The following DOP1B variants were observed in gnomAD, a reference collection of about 807,000 sequenced individuals.
DOP1B encodes DOP1 leucine zipper like protein B, also known as protein DOP1B.
Under a neutral mutation model 233.5 loss-of-function variants are expected in DOP1B, and 174 were observed. That is an observed-to-expected ratio of 0.75 (90% confidence interval 0.66 to 0.85). DOP1B has a LOEUF of 0.85. Among genes scored for constraint, DOP1B ranks in the 40% least tolerant of loss-of-function variants. DOP1B has a pLI of 0.00. For missense variants in DOP1B, 2,652 were observed against 2,846.6 expected, an observed-to-expected ratio of 0.93 and a Z score of 1.56; for synonymous variants, 1,190 against 1,185.6, an observed-to-expected ratio of 1.00 and a Z score of -0.08.
intron 27 of DOP1B, among the ~76,000 whole-genome samples, chr21:36,276,080 AAGAG>A (rs935705877): frequency 3.0e-5 from 4 of 133,722 alleles, no homozygotes; most frequent in African/African-American, 1.1e-4. Flanking sequence ...GGATGGTTAG[AAGAG>A]AAGAAGGCCA....
rs141847036 is a variant in DOP1B at position 36,200,448 on chromosome 21, C to A, written c.438C>A (p.Ala146=). Residue 146 remains alanine (A), a synonymous_variant, in exon 4 of 37, where the codon GCC becomes GCA. Transcript: ENST00000691173. ...LQKLLLPSLQ[A]FIVGLLPGLE... ...AGCTGCTCCTGCCCAGTCTGCAGGC[C>A]TTCATCGTGGGCCTGCTGCCCGGCC... The A allele has an allele frequency of 2.1e-5, 34 of 1,613,142 alleles. No individual in the cohort carries two copies. Among genetic ancestry groups the A allele is most frequent in the Non-Finnish European group, 2.9e-5 (34 of 1,180,022 alleles).
chr21:36,239,687 C>G, intron 17 of DOP1B, 78 bp from the exon 18 acceptor site: 1 of 1,448,118 alleles, frequency 6.9e-7, no homozygotes, highest in Admixed American at 2.4e-5. Flanking sequence ...GGGTGACGCC[C>G]TATGCCCAGT....
At chr21:36,226,298 T>TC (rs2066681841) in intron 12 of DOP1B, among the ~76,000 whole-genome samples, 1 of 125,798 alleles carries the variant, frequency 7.9e-6, no homozygotes, top group South Asian at 2.4e-4. Flanking sequence ...CTCTCTCTCT[T>TC]TTTTTTTTTT....
chr21:36,281,683 A>G, intron 32 of DOP1B, 72 bp downstream of exon 32: 1 of 1,345,258 alleles, frequency 7.4e-7, no homozygotes, highest in Non-Finnish European at 9.9e-7. Flanking sequence ...TTATAAAAAC[A>G]GAAATTTATT....
intron 9 of DOP1B, among the ~76,000 whole-genome samples, chr21:36,216,472 A>G (rs1275363278): frequency 1.3e-5 from 2 of 152,108 alleles, no homozygotes; most frequent in African/African-American, 4.8e-5. Context: ...TTAGCCAGGC[A>G]TGACAGTGCA....
chr21:36,169,037 A>G (rs1034682613), intron 2 of DOP1B: 40 of 845,410 alleles, frequency 4.7e-5, no homozygotes, highest in Non-Finnish European at 7.3e-5. Context: ...CTTCTCCTCC[A>G]TGGTCTGGAA....
At chr21:36,168,496 G>A (rs2065937696) in intron 2 of DOP1B, among the ~76,000 whole-genome samples, 1 of 151,796 alleles carries the variant, frequency 6.6e-6, no homozygotes, top group Non-Finnish European at 1.5e-5. Flanking sequence ...CAATGCGTGA[G>A]TGTTCCAATT....
chr21:36,203,520 A>G (rs575829728), intron 4 of DOP1B, among the ~76,000 whole-genome samples: 1 of 152,256 alleles, frequency 6.6e-6, no homozygotes, highest in Admixed American at 6.5e-5. Flanking sequence ...GTGAGCCAAG[A>G]TCGCACCACT....
chr21:36,292,367 C>G, intron 36 of DOP1B, 134 bp downstream of exon 36: 1 of 663,154 alleles, frequency 1.5e-6, no homozygotes, highest in Non-Finnish European at 2.4e-6. Context: ...AGTGATTCTC[C>G]TGCCTCAGCT....
intron 2 of DOP1B, among the ~76,000 whole-genome samples, chr21:36,186,418 G>T (rs974523448): frequency 3.4e-5 from 5 of 148,774 alleles, no homozygotes; most frequent in African/African-American, 1.3e-4. Context: ...TGTGTAGAGG[G>T]TGTGTGTGTG....
rs144298935 is a variant in DOP1B at position 36,231,537 on chromosome 21, T to C, written c.2350+403T>C. Among the ~76,000 whole-genome samples, 418 of 152,330 alleles carry C rather than the reference T, an allele frequency of 2.7e-3. 2 individuals are homozygous for C. The highest frequency in any genetic ancestry group is 9.4e-3 in the African/African-American group (393 of 41,588). ...TGTGTCTCACCACATGGCAAAGTGG[T>C]AAGGGTGGGGCCTATGTTTTTAAAC... On this transcript the variant is annotated intron_variant, in intron 14 of 36. Coordinates refer to ENST00000691173, the MANE Select transcript of DOP1B (RefSeq NM_001320714.2).
Position 36,201,345 on chromosome 21 carries a change from C to CTTTTTTTTT in DOP1B, c.491+856_491+864dup, listed in dbSNP as rs1172730528. ...TCTATTCCACTGTATCTATTGGATTCTTTTTTTTTTTTTTTTTTTTGAGAC... is the reference window on the plus strand; with the variant it reads ...TCTATTCCACTGTATCTATTGGATTCTTTTTTTTTTTTTTTTTTTTTTTTTTTTTGAGAC... On this transcript the variant is annotated intron_variant, in intron 4 of 36. Transcript: ENST00000691173. Among the ~76,000 whole-genome samples the CTTTTTTTTT allele has an allele frequency of 5.0e-3, 413 of 83,246 alleles. 58 individuals are homozygous for CTTTTTTTTT. Among genetic ancestry groups the CTTTTTTTTT allele is most frequent in the African/African-American group, 0.017 (340 of 19,860 alleles). The allele number at this position is 83,246 out of a possible 152,430, so 54.6% of individuals were successfully genotyped here.
chr21:36,232,838 G>C lies in DOP1B; in HGVS notation c.2385G>C (p.Lys795Asn). 1 of 1,613,250 alleles carries C rather than the reference G, an allele frequency of 6.2e-7. No individual in the cohort carries two copies. Among genetic ancestry groups the C allele is most frequent in the Non-Finnish European group, 8.5e-7 (1 of 1,179,896 alleles). ...ATTCCAGTTTTCCATCTTGGCTGAA[G>C]TCCCTCATGACTATTTGCTGCTGTG... Reference protein sequence around the residue: ...AGDSSFPSWLKSLMTICCCVT... With the variant: ...AGDSSFPSWLNSLMTICCCVT... Residue 795 changes from lysine (K) to asparagine (N), a missense_variant, in exon 15 of 37, where the codon AAG becomes AAC. This residue lies in a region of DOP1B where 2,617 missense variants were observed against 2,794.3 expected (regional missense o/e 0.94). Transcript: ENST00000691173.
chr21:36,222,679 A>C (rs995767119), intron 10 of DOP1B, among the ~76,000 whole-genome samples: 1 of 152,102 alleles, frequency 6.6e-6, no homozygotes, highest in Non-Finnish European at 1.5e-5. Context: ...GTATGGACTA[A>C]AACTGATTTT....
chr21:36,287,790 T>C (rs1281744600), intron 32 of DOP1B, among the ~76,000 whole-genome samples: 1 of 151,912 alleles, frequency 6.6e-6, no homozygotes. Context: ...TTTTACCATA[T>C]TGGCCAGGCT....
chr21:36,204,408 G>A (rs1392076471), intron 4 of DOP1B, among the ~76,000 whole-genome samples: 1 of 152,130 alleles, frequency 6.6e-6, no homozygotes, highest in East Asian at 1.9e-4. Flanking sequence ...TATGAAGAGG[G>A]GAAGACGTAC....
At chr21:36,214,418 T>C (rs374361617) in intron 8 of DOP1B, 24 bp from the exon 9 acceptor site, 26 of 1,596,054 alleles carry the variant, frequency 1.6e-5, no homozygotes, top group Non-Finnish European at 2.1e-5. Flanking sequence ...GATATTCTAA[T>C]ATGTGGCTTT....
intron 36 of DOP1B, among the ~76,000 whole-genome samples, chr21:36,292,996 C>A (rs1403814508): frequency 3.3e-5 from 5 of 152,000 alleles, no homozygotes; most frequent in Non-Finnish European, 7.4e-5. Context: ...CGCCTGAGGT[C>A]AGGAGTTCAA....
chr21:36,268,497 A>C (rs2067254109), intron 26 of DOP1B, among the ~76,000 whole-genome samples: 1 of 152,198 alleles, frequency 6.6e-6, no homozygotes, highest in Admixed American at 6.6e-5. Context: ...CAGTTAACAC[A>C]ATTATCACAG....
Sources: allele counts gnomAD v4.1 joint callset (sites outside exome capture counted in the v4.1 genomes callset), GRCh38; gene constraint gnomAD v4.1.1; regional missense constraint gnomAD v4.1.1; transcripts MANE v1.5; gene names NCBI Gene and HGNC (gene_info 2026-07-23, HGNC 2026-07-21).